The following ANHX variants were observed in gnomAD, a reference collection of about 807,000 sequenced individuals.
ANHX encodes the protein anomalous homeobox, also known as anomalous homeobox protein.
ANHX carries 20 observed loss-of-function variants against 38.9 expected under a neutral mutation model. That is an observed-to-expected ratio of 0.51 (90% CI 0.36 to 0.75). ANHX has a LOEUF of 0.75. Among genes scored for constraint, ANHX ranks in the 30% least tolerant of loss-of-function variants. The probability of loss-of-function intolerance (pLI) is 0.00; values close to 1 mark genes in which losing one functional copy is unlikely to be tolerated. For synonymous variants in ANHX, 185 were observed against 203.1 expected, an observed-to-expected ratio of 0.91 and a Z score of 0.76; for missense variants, 475 against 493.1, an observed-to-expected ratio of 0.96 and a Z score of 0.35.
intron 1 of ANHX, 25 bp from the exon 2 acceptor site, chr12:133,234,403 A>G: frequency 6.6e-7 from 1 of 1,512,286 alleles, no homozygotes; most frequent in Non-Finnish European, 8.8e-7. Context: ...AGTCACAAGA[A>G]TGGCCACCAC....
rs536420910 is a variant in ANHX, at chr12:133,221,374, G to A, written c.1133-22C>T. On this transcript the variant is annotated intron_variant, in intron 7 of 9. Transcript: ENST00000545940. The surrounding 1 kb of genome is among the most constrained non-coding windows in gnomAD (Gnocchi z 4.1). ...AACCCTGCATGTAATGAGATTCCAC[G>A]GCACACTGGCAGGAGAAAGGAGCAG... The A allele has an allele frequency of 2.6e-6, 4 of 1,526,478 alleles. No individual in the cohort carries two copies. Among genetic ancestry groups the A allele is most frequent in the South Asian group, 2.4e-5 (2 of 83,060 alleles). The allele number at this position is 1,526,478 out of a possible 1,614,324, so 94.6% of individuals were successfully genotyped here. A position where few individuals can be genotyped will look rare whatever the true frequency, so the allele number is the denominator to read the frequency against.
chr12:133,224,528 TG>T (rs1247129582), intron 7 of ANHX, among the ~76,000 whole-genome samples: 126 of 151,732 alleles, frequency 8.3e-4, no homozygotes, highest in African/African-American at 2.9e-3. Flanking sequence ...CCGGGCGTGG[TG>T]GCAGGTGCCT....
rs1304817158 is a variant in ANHX at position 133,231,566 on chromosome 12, G to T, written c.328C>A (p.Leu110Met). Reference sequence around the variant, plus strand: ...ACCGGGGTGAGCGCAGCCACGCCCAGCCTCCTCATGACCAGACGGTAGTGG... The same window carrying T: ...ACCGGGGTGAGCGCAGCCACGCCCATCCTCCTCATGACCAGACGGTAGTGG... Reference protein sequence around the residue: ...DIHYRLVMRRLGVAALTPVQK... With the variant: ...DIHYRLVMRRMGVAALTPVQK... Residue 110 changes from leucine (L) to methionine (M), a missense_variant, in exon 3 of 10, where the codon CTG becomes ATG. Leu to Met is a conservative substitution (Grantham distance 15, BLOSUM62 2). Transcript: ENST00000545940. 6.5e-7 allele frequency: 1 copy of T among 1,536,002 alleles called. No individual in the cohort carries two copies. The highest frequency in any genetic ancestry group is 2.4e-5 in the East Asian group (1 of 40,928).
chr12:133,222,684 G>A (rs1235669147), intron 7 of ANHX, among the ~76,000 whole-genome samples: 1 of 152,192 alleles, frequency 6.6e-6, no homozygotes, highest in Admixed American at 6.5e-5. Flanking sequence ...TGAGGCGCGA[G>A]CCCTAAGATC....
rs781255966 is a variant in ANHX, at chr12:133,234,127, G to T, written c.230C>A (p.Ala77Glu). The T allele has an allele frequency of 2.0e-6, 3 of 1,535,684 alleles. No individual in the cohort carries two copies. Among genetic ancestry groups the T allele is most frequent in the Non-Finnish European group, 2.6e-6 (3 of 1,146,852 alleles). The part of the protein sequence containing the change: ...RVLDQQEQQQ[A>E]ACRLLEGCQV... ...GCCTACCTCCAGGAGGCGGCAAGCC[G>T]CCTGCTGCTGCTCCTGCTGGTCCAG... Residue 77 changes from alanine (A) to glutamate (E), a missense_variant, in exon 2 of 10, where the codon GCG becomes GAG. Transcript: ENST00000545940.
Position 133,219,299 on chromosome 12 carries a change from G to T in ANHX, c.1349C>A (p.Ala450Asp), listed in dbSNP as rs144454089. The change falls in exon 9 of 10, where the codon GCC becomes GAC. Residue 450 changes from alanine (A) to aspartate (D), a missense_variant. By Grantham distance (126) the Ala-to-Asp change is moderately radical. Coordinates refer to ENST00000545940, the MANE Select transcript of ANHX (RefSeq NM_001372060.1). ...GPVSAMELSQALPSSQVQCSD... is the reference protein window; with the variant it reads ...GPVSAMELSQDLPSSQVQCSD... ...AAGCCTCACCTGGCTGGAGGGCAGG[G>T]CCTGGCTCAGCTCCATGGCAGACAC... 5 of 1,535,106 alleles carry T rather than the reference G, an allele frequency of 3.3e-6. No homozygotes were observed. The highest frequency in any genetic ancestry group is 4.4e-6 in the Non-Finnish European group (5 of 1,146,702).
At chr12:133,229,675 T>C (rs1326312166) in intron 3 of ANHX, among the ~76,000 whole-genome samples, 1 of 152,180 alleles carries the variant, frequency 6.6e-6, no homozygotes, top group Non-Finnish European at 1.5e-5. Context: ...TCCTGATCCC[T>C]GTATCTGCAT....
intron 7 of ANHX, among the ~76,000 whole-genome samples, chr12:133,222,195 T>C (rs1566402383): frequency 6.6e-6 from 1 of 152,218 alleles, no homozygotes; most frequent in Non-Finnish European, 1.5e-5. Context: ...GTTCAAGCAC[T>C]AGTTTGGACA....
intron 7 of ANHX, among the ~76,000 whole-genome samples, chr12:133,222,715 C>A (rs1415491719): frequency 6.6e-6 from 1 of 152,166 alleles, no homozygotes; most frequent in Non-Finnish European, 1.5e-5. Flanking sequence ...TCTGGCCCTG[C>A]ATCAAGGAAG....
intron 3 of ANHX, among the ~76,000 whole-genome samples, chr12:133,230,385 G>C (rs1478402911): frequency 6.6e-6 from 1 of 152,204 alleles, no homozygotes; most frequent in East Asian, 1.9e-4. Flanking sequence ...TGGGTACCAC[G>C]CAAGAAAATT....
In ANHX at chr12:133,218,828, C is replaced by T; in HGVS notation, c.*57G>A. On this transcript the variant is annotated 3_prime_UTR_variant, in exon 10 of 10. Coordinates refer to ENST00000545940, the MANE Select transcript of ANHX (RefSeq NM_001372060.1). ...AAGCTCTGTAACTCCTTGTGTTGAC[C>T]AGGCAGACCATCCACACCCGCTCCT... 2 of 1,326,650 alleles carry T rather than the reference C, an allele frequency of 1.5e-6. No homozygotes were observed. Among genetic ancestry groups the T allele is most frequent in the Non-Finnish European group, 2.0e-6 (2 of 995,450 alleles). The allele number at this position is 1,326,650 out of a possible 1,614,324, so 82.2% of individuals were successfully genotyped here.
chr12:133,230,667 G>A (rs1957257267), intron 3 of ANHX, among the ~76,000 whole-genome samples: 1 of 152,168 alleles, frequency 6.6e-6, no homozygotes, highest in Non-Finnish European at 1.5e-5. Context: ...GGGGGCTGAG[G>A]TGGGAGGATC....
chr12:133,224,662 C>CAAA (rs371166940), intron 7 of ANHX, among the ~76,000 whole-genome samples: 7 of 76,424 alleles, frequency 9.2e-5, no homozygotes, highest in African/African-American at 3.6e-4. Context: ...GACTCCATCT[C>CAAA]AAAAAAAAAA....
At chr12:133,220,701 AC>A (rs575420797) in intron 8 of ANHX, among the ~76,000 whole-genome samples, 176 of 151,734 alleles carry the variant, frequency 1.2e-3, no homozygotes, top group African/African-American at 4.0e-3. Flanking sequence ...ACCCCAGGCC[AC>A]CCTGCCCCAG....
In ANHX at chr12:133,221,937, T is replaced by C. The variant is rs1957113404; in HGVS notation, c.1133-585A>G. Among the ~76,000 whole-genome samples the C allele has an allele frequency of 6.6e-6, 1 of 152,182 alleles. No homozygotes were observed. Among genetic ancestry groups the C allele is most frequent in the South Asian group, 2.1e-4 (1 of 4,834 alleles). On this transcript the variant is annotated intron_variant, in intron 7 of 9. Coordinates refer to ENST00000545940, the MANE Select transcript of ANHX (RefSeq NM_001372060.1). This position sits in a 1 kb window ranked among gnomAD's most constrained non-coding sequence, Gnocchi z 4.1. ...GCTGTGGCCTGAAAAGGCAGGTTTT[T>C]TCCTGCCCTGAGTCTACTAGGCTGT...
rs1010129221 is a variant in ANHX, at chr12:133,221,342, G to T, written c.1143C>A (p.Gly381=). The T allele has an allele frequency of 6.5e-7, 1 of 1,535,032 alleles. No individual in the cohort carries two copies. Among genetic ancestry groups the T allele is most frequent in the South Asian group, 1.2e-5 (1 of 83,944 alleles). Residue 381 remains glycine (G), a synonymous_variant, in exon 8 of 10, where the codon GGC becomes GGA. Transcript: ENST00000545940. The surrounding 1 kb of genome is among the most constrained non-coding windows in gnomAD (Gnocchi z 4.1). ...LGDPSPTGFS[G]PPSGHPQSVQ... ...CGCTCTGGGGATGGCCGCTGGGGGGGCCAGAAAACCCTGCATGTAATGAGA... is the reference window on the plus strand; with the variant it reads ...CGCTCTGGGGATGGCCGCTGGGGGGTCCAGAAAACCCTGCATGTAATGAGA...
chr12:133,219,064 C>T (rs1235033105), intron 9 of ANHX, 93 bp from the exon 10 acceptor site: 1 of 1,221,120 alleles, frequency 8.2e-7, no homozygotes, highest in Non-Finnish European at 1.1e-6. Context: ...TGGGAAGACC[C>T]CCCGCAACCA....
In ANHX at chr12:133,234,348, G is replaced by A. The variant is rs1210236990; in HGVS notation, c.9C>T (p.Ser3=). The A allele has an allele frequency of 3.3e-6, 5 of 1,535,384 alleles. No homozygotes were observed. The highest frequency in any genetic ancestry group is 3.9e-5 in the Admixed American group (2 of 50,980). Residue 3 remains serine (S), a synonymous_variant, in exon 2 of 10, where the codon AGC becomes AGT. Transcript: ENST00000545940. MQ[S]FLTLLKEHED... ...CATGCTCCTTCAGCAGAGTCAGGAA[G>A]CTCTGCATCCTGTGCTGGGTCGTGG...
chr12:133,227,688 T>A, intron 4 of ANHX, 136 bp downstream of exon 4: 1 of 968,016 alleles, frequency 1.0e-6, no homozygotes, highest in Non-Finnish European at 1.5e-6. Context: ...ACAAGGTCCC[T>A]GTCCAGAGGA....
Sources: gnomAD v4.1 joint callset for allele counts (sites outside exome capture counted in the v4.1 genomes callset) on GRCh38, gnomAD v4.1.1 for gene constraint, Gnocchi (gnomAD v3.1) non-coding constraint, MANE v1.5 for transcripts, NCBI Gene and HGNC (gene_info 2026-07-23, HGNC 2026-07-21) for gene names.